SYNE1: variants seen among roughly 807,000 people sequenced by gnomAD.
SYNE1 encodes the protein nesprin-1.
Under a neutral mutation model 1,111.0 loss-of-function variants are expected in SYNE1, and 616 were observed. The observed-to-expected ratio is 0.55, with a 90% confidence interval of 0.52 to 0.59. The LOEUF is 0.59. SYNE1 is among the 20% of genes least tolerant of loss of function. The pLI is 0.00. For missense variants in SYNE1, 10,006 were observed against 10,417.0 expected (o/e 0.96, Z 1.72); for synonymous variants, 3,855 against 3,825.8 (o/e 1.01, Z -0.28).
intron 62 of SYNE1, among the ~76,000 whole-genome samples, chr6:152,366,105 G>T (rs1160966754): frequency 6.6e-6 from 1 of 151,042 alleles, no homozygotes; most frequent in East Asian, 2.0e-4. Flanking sequence ...GGCCAAGGTG[G>T]GCAGGTCACC....
chr6:152,312,352 G>C (rs1036676108), intron 87 of SYNE1, among the ~76,000 whole-genome samples: 1 of 150,710 alleles, frequency 6.6e-6, no homozygotes, highest in Non-Finnish European at 1.5e-5. Context: ...TGGGATTACA[G>C]GCATGAGCCG....
At chr6:152,490,998 C>A (rs962662680) in intron 11 of SYNE1, among the ~76,000 whole-genome samples, 1 of 152,248 alleles carries the variant, frequency 6.6e-6, no homozygotes, top group Admixed American at 6.5e-5. Context: ...CACATTTTAT[C>A]TGTGGACACA....
Position 152,354,702 on chromosome 6 carries a change from T to C in SYNE1, c.10883A>G (p.Gln3628Arg), listed in dbSNP as rs765211572. 6.8e-6 allele frequency: 11 copies of C among 1,614,142 alleles called. No homozygotes were observed. The highest frequency in any genetic ancestry group is 9.3e-6 in the Non-Finnish European group (11 of 1,180,040). ...EEKVSPRTRR[Q>R]SNRATKEIQL... ...TATCTCCTTGGTTGCCCTGTTAGAC[T>C]GACGTCTGGTCCTGGGACTAACTTT... The change falls in exon 67 of 146, where the codon CAG (glutamine) becomes CGG (arginine). Residue 3628 changes from glutamine (Q) to arginine (R), a missense_variant. This residue lies in a region of SYNE1 where 4,955 missense variants were observed against 5,017.2 expected (regional missense o/e 0.99). Coordinates refer to ENST00000367255, the MANE Select transcript of SYNE1 (RefSeq NM_182961.4).
chr6:152,268,303 T>G (rs1278303682), intron 99 of SYNE1, 138 bp from the exon 100 acceptor site: 1 of 703,716 alleles, frequency 1.4e-6, no homozygotes, highest in East Asian at 2.7e-5. Flanking sequence ...AGCATGAGGT[T>G]TATGTAAATA....
intron 44 of SYNE1, 46 bp from the exon 45 acceptor site, chr6:152,407,242 G>A: frequency 6.3e-7 from 1 of 1,589,312 alleles, no homozygotes; most frequent in Non-Finnish European, 8.6e-7. Flanking sequence ...AGAGGCGTAA[G>A]ATGATCATCC....
intron 40 of SYNE1, among the ~76,000 whole-genome samples, chr6:152,418,244 C>T (rs946587923): frequency 6.6e-5 from 10 of 152,096 alleles, no homozygotes; most frequent in African/African-American, 1.7e-4. Flanking sequence ...TTTCTACCTC[C>T]GTAATATTTT....
At chr6:152,543,033 T>A (rs1044005464) in intron 3 of SYNE1, among the ~76,000 whole-genome samples, 4 of 152,126 alleles carry the variant, frequency 2.6e-5, no homozygotes. Context: ...AAATTAAATA[T>A]ATAATCTGAT....
intron 3 of SYNE1, among the ~76,000 whole-genome samples, chr6:152,574,645 G>A (rs936567374): frequency 7.9e-5 from 12 of 152,162 alleles, no homozygotes; most frequent in African/African-American, 2.2e-4. Context: ...AGTAAATACC[G>A]TAGTTGTTTC....
At position 152,122,099 on chromosome 6, in the gene SYNE1, C is replaced by CGCCG; in HGVS notation, c.*336_*337insCGGC. On this transcript the variant is annotated 3_prime_UTR_variant, in exon 146 of 146. Coordinates refer to ENST00000367255, the MANE Select transcript of SYNE1 (RefSeq NM_182961.4). ...ACCATGGGAAAGCTGCCCAGATGGT[C>CGCCG]TACTGAAGTCCTTGGCTGTGCACAG... is the stretch of plus-strand genomic sequence containing the variant. The CGCCG allele has an allele frequency of 8.0e-6, 3 of 375,744 alleles. No homozygotes were observed. Among genetic ancestry groups the CGCCG allele is most frequent in the Admixed American group, 3.9e-5 (1 of 25,946 alleles). The allele number at this position is 375,744 out of a possible 1,614,324, so 23.3% of individuals were successfully genotyped here.
chr6:152,461,760 A>G lies in SYNE1; in HGVS notation c.2251-20T>C. 6.2e-7 allele frequency: 1 copy of G among 1,613,828 alleles called. No homozygotes were observed. Among genetic ancestry groups the G allele is most frequent in the Non-Finnish European group, 8.5e-7 (1 of 1,179,888 alleles). On this transcript the variant is annotated intron_variant, in intron 20 of 145. Transcript: ENST00000367255. ...AATATCCTGCATGAATCATTGAAAC[A>G]GCCAGATTCATACATGACACATTTC...
intron 56 of SYNE1, among the ~76,000 whole-genome samples, chr6:152,377,303 T>C (rs995722952): frequency 1.3e-5 from 2 of 152,018 alleles, no homozygotes; most frequent in Non-Finnish European, 2.9e-5. Flanking sequence ...GCAACACTTA[T>C]TTTGGATTAA....
chr6:152,539,251 C>T (rs2099258380), intron 4 of SYNE1, among the ~76,000 whole-genome samples: 1 of 152,084 alleles, frequency 6.6e-6, no homozygotes, highest in Non-Finnish European at 1.5e-5. Flanking sequence ...ATCAGCAAAT[C>T]CTCTAACTGA....
At chr6:152,426,193 A>G (rs1303311972) in intron 38 of SYNE1, among the ~76,000 whole-genome samples, 1 of 152,386 alleles carries the variant, frequency 6.6e-6, no homozygotes, top group East Asian at 1.9e-4. Flanking sequence ...ATAGATAGGT[A>G]ATAATAATAA....
At chr6:152,524,884 T>G (rs1263645025) in intron 5 of SYNE1, among the ~76,000 whole-genome samples, 2 of 152,138 alleles carry the variant, frequency 1.3e-5, no homozygotes, top group African/African-American at 2.4e-5. Flanking sequence ...GGTGGAGCAT[T>G]TATTCATAGA....
chr6:152,356,358 T>C (rs1053238382), intron 66 of SYNE1, among the ~76,000 whole-genome samples: 8 of 151,256 alleles, frequency 5.3e-5, no homozygotes, highest in African/African-American at 1.9e-4. Context: ...TTATCTATTA[T>C]CCAAGTTAAT....
intron 98 of SYNE1, among the ~76,000 whole-genome samples, chr6:152,274,543 C>T (rs190872664): frequency 2.0e-5 from 3 of 151,904 alleles, no homozygotes; most frequent in Admixed American, 2.0e-4. Flanking sequence ...GGGGGTCATA[C>T]AGAACTTTTT....
Position 152,321,831 on chromosome 6 carries a change from G to A in SYNE1, c.15973C>T (p.Arg5325Ter), listed in dbSNP as rs781354327. 3.7e-6 allele frequency: 6 copies of A among 1,613,736 alleles called. No individual in the cohort carries two copies. The highest frequency in any genetic ancestry group is 1.1e-5 in the South Asian group (1 of 91,054). The change falls in exon 83 of 146, where the codon CGA (arginine) becomes TGA (stop). Residue 5325 changes from arginine to a stop codon, truncating the protein, a stop_gained. Coordinates refer to ENST00000367255, the MANE Select transcript of SYNE1 (RefSeq NM_182961.4). LOFTEE classifies it high-confidence loss of function. ...TTGATCTGAGTCTCCACCATTTCTC[G>A]GTCCTTCAGCTCTTGCTTCACCAAC... ...GKLVKQELKD[R>*]EMVETQINSV...
rs1314138654 is a variant in SYNE1, at chr6:152,224,423, C to T, written c.21522+71G>A. 9 of 1,320,596 alleles carry T rather than the reference C, an allele frequency of 6.8e-6. No homozygotes were observed. In the South Asian group the frequency reaches 1.1e-4, roughly 16 times the overall value. 81.8% of individuals were successfully genotyped at this position (1,320,596 alleles called of 1,614,324 possible). On this transcript the variant is annotated intron_variant, in intron 117 of 145. Transcript: ENST00000367255. The stretch of plus-strand genomic sequence containing the variant: ...ATATGGCAATATTTCAGGATGATGT[C>T]TCCATTTGGTAATTTTTCAGTTTTC...
At position 152,539,957 on chromosome 6, in the gene SYNE1, T is replaced by C. The variant is rs751935761; in HGVS notation, c.129+3A>G. ...ACCTGTAATGCTGGGTAGTTTCCTT[T>C]ACCTTGGCCAGATGAGAGTTGATCC... On this transcript the variant is annotated splice_donor_region_variant and intron_variant, in intron 4 of 145. Coordinates refer to ENST00000367255, the MANE Select transcript of SYNE1 (RefSeq NM_182961.4). 4 of 1,613,972 alleles carry C rather than the reference T, an allele frequency of 2.5e-6. No individual in the cohort carries two copies. Among genetic ancestry groups the C allele is most frequent in the Non-Finnish European group, 3.4e-6 (4 of 1,179,884 alleles).
Sources: allele counts gnomAD v4.1 joint callset (sites outside exome capture counted in the v4.1 genomes callset), GRCh38; gene constraint gnomAD v4.1.1; regional missense constraint gnomAD v4.1.1; transcripts MANE v1.5; gene names NCBI Gene and HGNC (gene_info 2026-07-23, HGNC 2026-07-21).